Variants in ANKH observed in about 807,000 individuals in gnomAD.
ANKH encodes the protein mineralization regulator ANKH.
Under a neutral mutation model 49.0 loss-of-function variants are expected in ANKH, and 15 were observed. That is an observed-to-expected ratio of 0.31 (90% CI 0.20 to 0.47). The LOEUF is 0.47. Ranked by LOEUF, ANKH falls within the 20% of genes least tolerant of loss-of-function variation. ANKH has a pLI of 1.00. For missense variants in ANKH, 429 were observed against 652.0 expected (o/e 0.66, Z 3.72); for synonymous variants, 273 against 260.0 (o/e 1.05, Z -0.48).
intron 1 of ANKH, among the ~76,000 whole-genome samples, chr5:14,806,146 G>A (rs1400165112): frequency 6.6e-6 from 1 of 152,038 alleles, no homozygotes; most frequent in Non-Finnish European, 1.5e-5. Context: ...CATTTGTTCT[G>A]GAAAACACTA....
intron 1 of ANKH, among the ~76,000 whole-genome samples, chr5:14,833,263 AAAG>A (rs1741554209): frequency 6.6e-6 from 1 of 152,226 alleles, no homozygotes; most frequent in South Asian, 2.1e-4. Flanking sequence ...ATTAAGACTA[AAAG>A]AACTAGCTTG....
At position 14,709,792 on chromosome 5, in the gene ANKH, G is replaced by T. The variant is rs1005939556; in HGVS notation, c.*1405C>A. 1 of 152,636 alleles carries T rather than the reference G, an allele frequency of 6.6e-6. No homozygotes were observed. The highest frequency in any genetic ancestry group is 1.9e-4 in the East Asian group (1 of 5,196). 9.5% of individuals were successfully genotyped at this position (152,636 alleles called of 1,614,324 possible). A position where few individuals can be genotyped will look rare whatever the true frequency, so the allele number is the denominator to read the frequency against. Reference sequence around the variant, plus strand: ...TACAATACGTTTCAACTGCAGGTATGTTGAGCACACAAGCAATCACCGTAT... The same window carrying T: ...TACAATACGTTTCAACTGCAGGTATTTTGAGCACACAAGCAATCACCGTAT... On this transcript the variant is annotated 3_prime_UTR_variant, in exon 12 of 12. Transcript: ENST00000284268.
chr5:14,721,612 TAGAA>T (rs747293862), intron 8 of ANKH, among the ~76,000 whole-genome samples: 3 of 152,138 alleles, frequency 2.0e-5, no homozygotes, highest in Non-Finnish European at 2.9e-5. Flanking sequence ...ACATATAACT[TAGAA>T]AGGAATACAT....
At chr5:14,798,321 T>C (rs1740455206) in intron 1 of ANKH, 1 of 1,574,656 alleles carries the variant, frequency 6.4e-7, no homozygotes, top group Non-Finnish European at 8.7e-7. Context: ...AAAAGGGGTG[T>C]TCTTTTTCCA....
intron 8 of ANKH, among the ~76,000 whole-genome samples, chr5:14,739,762 G>A (rs62344909): frequency 1.3e-5 from 2 of 152,160 alleles, no homozygotes; most frequent in Non-Finnish European, 2.9e-5. Flanking sequence ...TCACTTGTCC[G>A]GTGTGAATCA....
intron 2 of ANKH, among the ~76,000 whole-genome samples, chr5:14,766,967 A>C (rs1739276540): frequency 1.3e-5 from 2 of 152,210 alleles, no homozygotes; most frequent in African/African-American, 4.8e-5. Flanking sequence ...TGACTGCTGA[A>C]GTAGAAATGT....
intron 1 of ANKH, among the ~76,000 whole-genome samples, chr5:14,848,907 A>T (rs1742046213): frequency 6.6e-6 from 1 of 152,242 alleles, no homozygotes; most frequent in African/African-American, 2.4e-5. Context: ...TTTTAAAACA[A>T]CATTGTTTTA....
At chr5:14,807,493 C>T (rs866525816) in intron 1 of ANKH, among the ~76,000 whole-genome samples, 1 of 152,286 alleles carries the variant, frequency 6.6e-6, no homozygotes, top group South Asian at 2.1e-4. Context: ...ACTTCTTGAG[C>T]ATGTCTTCCT....
At chr5:14,838,002 C>G (rs778722189) in intron 1 of ANKH, among the ~76,000 whole-genome samples, 16 of 152,106 alleles carry the variant, frequency 1.1e-4, no homozygotes, top group Non-Finnish European at 2.1e-4. Flanking sequence ...TCTGAGCAAA[C>G]TATCATAATG....
intron 1 of ANKH, among the ~76,000 whole-genome samples, chr5:14,846,820 C>T (rs765810647): frequency 6.6e-6 from 1 of 151,700 alleles, no homozygotes; most frequent in Admixed American, 6.6e-5. Flanking sequence ...GGTAAAACTG[C>T]GTCTCTACTA....
Position 14,705,509 on chromosome 5 carries a change from A to C in ANKH, c.*5688T>G, listed in dbSNP as rs1736913496. 1 of 152,252 alleles carries C rather than the reference A, an allele frequency of 6.6e-6. No individual in the cohort carries two copies. The highest frequency in any genetic ancestry group is 6.5e-5 in the Admixed American group (1 of 15,284). The allele number at this position is 152,252 out of a possible 1,614,324, so 9.4% of individuals were successfully genotyped here. A position where few individuals can be genotyped will look rare whatever the true frequency, so the allele number is the denominator to read the frequency against. Reference sequence around the variant, plus strand: ...AGTGATATGGAAGCCTCCAGCTTGAATACACTTCTTAAATGAATGAGTGTC... The same window carrying C: ...AGTGATATGGAAGCCTCCAGCTTGACTACACTTCTTAAATGAATGAGTGTC... On this transcript the variant is annotated 3_prime_UTR_variant, in exon 12 of 12. Coordinates refer to ENST00000284268, the MANE Select transcript of ANKH (RefSeq NM_054027.6).
chr5:14,787,704 C>T (rs181658221), intron 1 of ANKH, among the ~76,000 whole-genome samples: 3 of 152,306 alleles, frequency 2.0e-5, no homozygotes, highest in East Asian at 1.9e-4. Context: ...AGGAAGCACC[C>T]GGCAAAGCAA....
At chr5:14,738,905 T>G (rs1042062900) in intron 8 of ANKH, among the ~76,000 whole-genome samples, 3 of 152,208 alleles carry the variant, frequency 2.0e-5, no homozygotes, top group Non-Finnish European at 2.9e-5. Context: ...TGTCTCATAA[T>G]TAAGGATTAG....
At chr5:14,747,721 G>A (rs1416236272) in intron 6 of ANKH, among the ~76,000 whole-genome samples, 1 of 152,178 alleles carries the variant, frequency 6.6e-6, no homozygotes, top group Admixed American at 6.5e-5. Context: ...TTAACAAAAC[G>A]GCAATGTCCA....
intron 4 of ANKH, among the ~76,000 whole-genome samples, chr5:14,752,458 C>T (rs1215264383): frequency 6.6e-6 from 1 of 152,184 alleles, no homozygotes. Context: ...GTTTATATCT[C>T]TATTCAATGG....
chr5:14,745,865 C>G lies in ANKH; in HGVS notation c.915+5G>C, dbSNP rs372274809. On this transcript the variant is annotated splice_donor_5th_base_variant and intron_variant, in intron 7 of 11. Coordinates refer to ENST00000284268, the MANE Select transcript of ANKH (RefSeq NM_054027.6). This position sits in a 1 kb window ranked among gnomAD's most constrained non-coding sequence, Gnocchi z 4.7. ...TTTCAGACACGACACCGCACGGGTTCTCACCTTGTCGAAAGCAGGATACAC... is the reference window on the plus strand; with the variant it reads ...TTTCAGACACGACACCGCACGGGTTGTCACCTTGTCGAAAGCAGGATACAC... 9.3e-6 allele frequency: 15 copies of G among 1,614,108 alleles called. No individual in the cohort carries two copies. The highest frequency in any genetic ancestry group is 1.6e-4 in the Middle Eastern group (1 of 6,062).
At chr5:14,815,253 G>A (rs924297937) in intron 1 of ANKH, among the ~76,000 whole-genome samples, 2 of 152,148 alleles carry the variant, frequency 1.3e-5, no homozygotes, top group East Asian at 1.9e-4. Flanking sequence ...CAAGTCTCCC[G>A]ATTTTTCTGC....
intron 8 of ANKH, among the ~76,000 whole-genome samples, chr5:14,727,399 A>G (rs1337485831): frequency 1.3e-5 from 2 of 151,836 alleles, no homozygotes; most frequent in Non-Finnish European, 2.9e-5. Flanking sequence ...CATCCCTTCT[A>G]TCATCTAGGT....
At position 14,732,033 on chromosome 5, in the gene ANKH, T is replaced by C. The variant is rs554972056; in HGVS notation, c.1011+9794A>G. On this transcript the variant is annotated intron_variant, in intron 8 of 11. Coordinates refer to ENST00000284268, the MANE Select transcript of ANKH (RefSeq NM_054027.6). ...GGTTTCTGTGGACACGCGGGTGTTC[T>C]TTCTCACCTGAGGACTTCAAAATGT... Among the ~76,000 whole-genome samples the C allele has an allele frequency of 5.3e-5, 8 of 152,308 alleles. No homozygotes were observed. The South Asian group carries it at 1.7e-3, about 32-fold the overall frequency.
Sources: allele counts gnomAD v4.1 joint callset (sites outside exome capture counted in the v4.1 genomes callset), GRCh38; gene constraint gnomAD v4.1.1; non-coding constraint Gnocchi (gnomAD v3.1); transcripts MANE v1.5; gene names NCBI Gene and HGNC (gene_info 2026-07-23, HGNC 2026-07-21).